The following ZMAT4 variants were observed in gnomAD, a reference collection of about 807,000 sequenced individuals.
The protein encoded by ZMAT4 is zinc finger matrin-type protein 4.
A neutral mutation model predicts 28.7 loss-of-function variants in ZMAT4; 17 were observed. That is an observed-to-expected ratio of 0.59 (90% confidence interval 0.41 to 0.89). ZMAT4 has a LOEUF of 0.89. Ranked by LOEUF, ZMAT4 falls within the 40% of genes least tolerant of loss-of-function variation. ZMAT4 has a pLI of 0.00. For missense variants in ZMAT4, 240 were observed against 283.8 expected (o/e 0.85, Z 1.11); for synonymous variants, 117 against 109.2 (o/e 1.07, Z -0.44).
chr8:40,833,528 A>G (rs1586136921), intron 1 of ZMAT4, among the ~76,000 whole-genome samples: 1 of 142,216 alleles, frequency 7.0e-6, no homozygotes, highest in African/African-American at 2.7e-5. Flanking sequence ...AGATCATACC[A>G]CTACACTCCA....
chr8:40,626,652 C>A (rs1178738917), intron 5 of ZMAT4, among the ~76,000 whole-genome samples: 1 of 152,150 alleles, frequency 6.6e-6, no homozygotes, highest in African/African-American at 2.4e-5. Context: ...GTAGCCATAA[C>A]ATTGAGAAAC....
intron 6 of ZMAT4, among the ~76,000 whole-genome samples, chr8:40,580,010 C>CT (rs60027647): frequency 0.51 from 59,996 of 118,466 alleles, 16,323 homozygotes; most frequent in Non-Finnish European, 0.57. Flanking sequence ...ATGTATTCAT[C>CT]TTTTTTTTTT....
At chr8:40,772,760 C>T (rs114600018) in intron 2 of ZMAT4, among the ~76,000 whole-genome samples, 1 of 152,198 alleles carries the variant, frequency 6.6e-6, no homozygotes, top group East Asian at 1.9e-4. Context: ...TTCTAGAAAC[C>T]AGCTAAAATA....
intron 4 of ZMAT4, among the ~76,000 whole-genome samples, chr8:40,683,486 A>C (rs898290730): frequency 6.6e-6 from 1 of 152,234 alleles, no homozygotes; most frequent in African/African-American, 2.4e-5. Flanking sequence ...GGAAAGCCTC[A>C]TAACATCTGT....
intron 5 of ZMAT4, among the ~76,000 whole-genome samples, chr8:40,601,534 AG>A (rs1805334490): frequency 6.8e-6 from 1 of 147,656 alleles, no homozygotes; most frequent in Non-Finnish European, 1.5e-5. Context: ...AGAGGGAGAA[AG>A]GGGAAGGGGG....
chr8:40,887,564 A>C (rs1349980213), intron 1 of ZMAT4, among the ~76,000 whole-genome samples: 1 of 152,166 alleles, frequency 6.6e-6, no homozygotes, highest in East Asian at 1.9e-4. Flanking sequence ...AAATACAAAA[A>C]AAAAGTTTAA....
intron 6 of ZMAT4, among the ~76,000 whole-genome samples, chr8:40,555,187 T>C (rs1228135369): frequency 6.6e-6 from 1 of 152,194 alleles, no homozygotes; most frequent in Non-Finnish European, 1.5e-5. Flanking sequence ...CCATTGTGTA[T>C]ATACTACATT....
At chr8:40,547,603 G>C (rs1350446057) in intron 6 of ZMAT4, among the ~76,000 whole-genome samples, 4 of 152,160 alleles carry the variant, frequency 2.6e-5, no homozygotes, top group African/African-American at 9.7e-5. Context: ...CACAGATTTA[G>C]AGCTGGGCAC....
intron 3 of ZMAT4, among the ~76,000 whole-genome samples, chr8:40,722,158 GC>G (rs1811129383): frequency 1.3e-5 from 2 of 151,896 alleles, no homozygotes; most frequent in South Asian, 4.1e-4. Flanking sequence ...GGCAACAAAA[GC>G]CAAAATTGAC....
chr8:40,705,529 G>T (rs1002129034), intron 3 of ZMAT4, among the ~76,000 whole-genome samples: 1 of 152,162 alleles, frequency 6.6e-6, no homozygotes. Flanking sequence ...AGCTGTAAAT[G>T]AGGCCACATT....
At chr8:40,690,271 C>T (rs1809604392) in intron 4 of ZMAT4, among the ~76,000 whole-genome samples, 1 of 152,212 alleles carries the variant, frequency 6.6e-6, no homozygotes, top group African/African-American at 2.4e-5. Context: ...CCACTTGTAT[C>T]ACCTTGGGTA....
intron 4 of ZMAT4, among the ~76,000 whole-genome samples, chr8:40,683,401 C>G (rs1384267889): frequency 6.6e-6 from 1 of 152,202 alleles, no homozygotes; most frequent in Non-Finnish European, 1.5e-5. Flanking sequence ...AGTTCTCAAA[C>G]TCTGTGCAGA....
chr8:40,627,205 A>T (rs1462905364), intron 5 of ZMAT4, among the ~76,000 whole-genome samples: 1 of 152,204 alleles, frequency 6.6e-6, no homozygotes, highest in Non-Finnish European at 1.5e-5. Flanking sequence ...CAGGCTAAGA[A>T]TGTTGCTGTG....
rs943314668 is a variant in ZMAT4 at position 40,786,730 on chromosome 8, T to G, written c.103-19000A>C. 3.9e-6 allele frequency: 5 copies of G among 1,289,228 alleles called. No homozygotes were observed. In the African/African-American group the frequency reaches 7.6e-5, roughly 20 times the overall value. The allele number at this position is 1,289,228 out of a possible 1,614,324, so 79.9% of individuals were successfully genotyped here. A position where few individuals can be genotyped will look rare whatever the true frequency, so the allele number is the denominator to read the frequency against. On this transcript the variant is annotated intron_variant, in intron 2 of 6. Coordinates refer to ENST00000297737, the MANE Select transcript of ZMAT4 (RefSeq NM_024645.3). ...AGCCACCTTCTTCAGTGTGACATCT[T>G]CTTTTGGCTTAGTATGTCTAATGAA...
At position 40,598,515 on chromosome 8, in the gene ZMAT4, A is replaced by T. The variant is rs530518925; in HGVS notation, c.578-17254T>A. ...GCTGAGAATGATGGTTTCCAGTTTC[A>T]TCCATTTCCCTGCAAAGGACATGAT... On this transcript the variant is annotated intron_variant, in intron 5 of 6. Transcript: ENST00000297737. Among the ~76,000 whole-genome samples, 5 of 152,238 alleles carry T rather than the reference A, an allele frequency of 3.3e-5. No individual in the cohort carries two copies. The East Asian group carries it at 9.7e-4, about 29-fold the overall frequency.
At chr8:40,785,092 G>C (rs142013284) in intron 2 of ZMAT4, among the ~76,000 whole-genome samples, 6 of 152,150 alleles carry the variant, frequency 3.9e-5, no homozygotes, top group Non-Finnish European at 7.3e-5. Context: ...GCTTCTAAGC[G>C]TTTGCTGATT....
intron 4 of ZMAT4, chr8:40,690,778 T>C: frequency 2.3e-6 from 1 of 443,966 alleles, no homozygotes; most frequent in Non-Finnish European, 3.0e-6. Context: ...TGGAAATTTA[T>C]GTAAAAGTTC....
At chr8:40,816,014 G>C (rs1815519890) in intron 2 of ZMAT4, among the ~76,000 whole-genome samples, 1 of 152,052 alleles carries the variant, frequency 6.6e-6, no homozygotes, top group Non-Finnish European at 1.5e-5. Flanking sequence ...CCCCAGTGCA[G>C]GTCCTAATCA....
At chr8:40,550,687 C>G (rs1032122570) in intron 6 of ZMAT4, among the ~76,000 whole-genome samples, 10 of 152,136 alleles carry the variant, frequency 6.6e-5, no homozygotes, top group African/African-American at 2.4e-4. Context: ...TGGGGTCACT[C>G]CATCCTGCTG....
Sources: gnomAD v4.1 joint callset for allele counts (sites outside exome capture counted in the v4.1 genomes callset) on GRCh38, gnomAD v4.1.1 for gene constraint, MANE v1.5 for transcripts, NCBI Gene and HGNC (gene_info 2026-07-23, HGNC 2026-07-21) for gene names.